The following PALS2 variants were observed in gnomAD, a reference collection of about 807,000 sequenced individuals.
PALS2 encodes the protein protein associated with LIN7 2, MAGUK p55 family member, also known as protein PALS2.
In PALS2, 27 loss-of-function variants were observed where a neutral mutation model predicts 61.6. The ratio of observed to expected loss-of-function variants is 0.44; its 90% CI spans 0.32 to 0.60. The LOEUF is 0.60. Among genes scored for constraint, PALS2 ranks in the 20% least tolerant of loss-of-function variants. The pLI, the probability that PALS2 is intolerant of heterozygous loss-of-function variation, is 0.05. For missense variants in PALS2, 554 were observed against 639.4 expected (o/e 0.87, Z 1.44); for synonymous variants, 236 against 218.6 (o/e 1.08, Z -0.70).
chr7:24,661,869 C>T (rs1342113570), intron 5 of PALS2, among the ~76,000 whole-genome samples: 1 of 152,164 alleles, frequency 6.6e-6, no homozygotes, highest in Non-Finnish European at 1.5e-5. Flanking sequence ...AGGCATCCAG[C>T]ACACATCCCA....
Position 24,609,980 on chromosome 7 carries a change from T to C in PALS2, c.-2-13686T>C, listed in dbSNP as rs187106776. ...AAATACTGATCATAAATTCAGTGTT[T>C]TTAAGATGAATTCAGTTTAGTTTTT... On this transcript the variant is annotated intron_variant, in intron 1 of 11. Coordinates refer to ENST00000222644, the MANE Select transcript of PALS2 (RefSeq NM_001303037.2). Among the ~76,000 whole-genome samples, 9 of 152,254 alleles carry C rather than the reference T, an allele frequency of 5.9e-5. No individual in the cohort carries two copies. In the East Asian group the frequency reaches 1.2e-3, roughly 20 times the overall value.
At chr7:24,679,516 A>G (rs1787804055) in intron 10 of PALS2, among the ~76,000 whole-genome samples, 183 bp downstream of exon 10, 1 of 152,216 alleles carries the variant, frequency 6.6e-6, no homozygotes, top group African/African-American at 2.4e-5. Context: ...AAATCTCTGA[A>G]CAATTAGCCA....
chr7:24,652,147 G>A (rs754160331), intron 5 of PALS2, among the ~76,000 whole-genome samples: 1 of 152,096 alleles, frequency 6.6e-6, no homozygotes, highest in Non-Finnish European at 1.5e-5. Flanking sequence ...ACCTGCGTAC[G>A]CTGGAAGAGT....
chr7:24,641,767 T>G lies in PALS2; in HGVS notation c.169T>G (p.Leu57Val). 1.2e-6 allele frequency: 2 copies of G among 1,612,494 alleles called. No homozygotes were observed. Among genetic ancestry groups the G allele is most frequent in the Middle Eastern group, 1.7e-4 (1 of 6,058 alleles). Residue 57 changes from leucine (L) to valine (V), a missense_variant, in exon 3 of 12, where the codon TTG becomes GTG. Coordinates refer to ENST00000222644, the MANE Select transcript of PALS2 (RefSeq NM_001303037.2). ...ACTAGAAGCTGTCAGTGACAATAAC[T>G]TGGAATTAGTCAATGAAATTCTTGA... ...SKLEAVSDNN[L>V]ELVNEILEDI... is the part of the protein sequence containing the mutation.
chr7:24,590,292 A>G (rs1451818372), intron 1 of PALS2, among the ~76,000 whole-genome samples: 1 of 151,918 alleles, frequency 6.6e-6, no homozygotes, highest in Non-Finnish European at 1.5e-5. Flanking sequence ...TCTTTTTGTT[A>G]CTGTTTGATG....
At chr7:24,685,195 T>A (rs1788132203) in intron 11 of PALS2, among the ~76,000 whole-genome samples, 1 of 152,194 alleles carries the variant, frequency 6.6e-6, no homozygotes, top group African/African-American at 2.4e-5. Context: ...ACCCACTAGA[T>A]ATTATCTTCT....
chr7:24,675,570 T>C (rs1012687904), intron 9 of PALS2, among the ~76,000 whole-genome samples: 2 of 120,590 alleles, frequency 1.7e-5, no homozygotes, highest in Non-Finnish European at 3.2e-5. Context: ...GTCCCCAGAG[T>C]GTGATGTTCC....
At chr7:24,665,895 A>G (rs2128087724) in intron 7 of PALS2, 126 bp from the exon 8 acceptor site, 2 of 1,026,796 alleles carry the variant, frequency 1.9e-6, no homozygotes, top group South Asian at 1.6e-5. Context: ...ACTCACCTCC[A>G]CCCTCTTTTG....
rs539219824 is a variant in PALS2 at position 24,605,498 on chromosome 7, T to G, written c.-2-18168T>G. Among the ~76,000 whole-genome samples, 8 of 151,776 alleles carry G rather than the reference T, an allele frequency of 5.3e-5. No homozygotes were observed. The South Asian group carries it at 1.7e-3, about 31-fold the overall frequency. ...TTACTTATATAAATACAGTAACACA[T>G]TATGTTTTAGATATTTATATAAGTA... On this transcript the variant is annotated intron_variant, in intron 1 of 11. Transcript: ENST00000222644.
intron 1 of PALS2, among the ~76,000 whole-genome samples, chr7:24,591,414 C>G (rs1393264201): frequency 6.6e-6 from 1 of 152,000 alleles, no homozygotes; most frequent in Non-Finnish European, 1.5e-5. Context: ...ACCATAAAGT[C>G]TAGCTATATA....
chr7:24,680,797 T>C (rs983764115), intron 11 of PALS2, among the ~76,000 whole-genome samples: 5 of 152,170 alleles, frequency 3.3e-5, no homozygotes, highest in African/African-American at 1.2e-4. Context: ...GGTTTCACCA[T>C]GTTGGCCAGA....
At chr7:24,605,492 AAC>A (rs1489067648) in intron 1 of PALS2, among the ~76,000 whole-genome samples, 4 of 152,204 alleles carry the variant, frequency 2.6e-5, no homozygotes, top group African/African-American at 4.8e-5. Context: ...TAAATACAGT[AAC>A]ACATTATGTT....
intron 5 of PALS2, among the ~76,000 whole-genome samples, chr7:24,661,713 A>T (rs576162396): frequency 6.6e-6 from 1 of 152,326 alleles, no homozygotes; most frequent in Non-Finnish European, 1.5e-5. Context: ...TGGACAATTA[A>T]TTAGGGAGGT....
At chr7:24,635,560 G>A (rs994708989) in intron 2 of PALS2, among the ~76,000 whole-genome samples, 2 of 152,004 alleles carry the variant, frequency 1.3e-5, no homozygotes, top group South Asian at 4.2e-4. Flanking sequence ...AATTGTCCTG[G>A]CTATAACCTC....
intron 2 of PALS2, among the ~76,000 whole-genome samples, chr7:24,624,390 G>A (rs1784647931): frequency 1.3e-5 from 2 of 151,940 alleles, no homozygotes; most frequent in South Asian, 2.1e-4. Flanking sequence ...AATGACTCTT[G>A]CTTTCAAGAA....
chr7:24,608,947 C>T (rs536374766), intron 1 of PALS2, among the ~76,000 whole-genome samples: 1 of 152,180 alleles, frequency 6.6e-6, no homozygotes, highest in East Asian at 1.9e-4. Flanking sequence ...TTTTTAAGTG[C>T]CAGGAACTTT....
At chr7:24,595,525 A>ATATATAATATATAATATATAAAT in intron 1 of PALS2, among the ~76,000 whole-genome samples, 1 of 132,494 alleles carries the variant, frequency 7.5e-6, no homozygotes. Flanking sequence ...TAATATATAT[A>ATATATAATATATAATATATAAAT]ATATATAATA....
At chr7:24,677,526 ATTATT>A (rs1462934331) in intron 9 of PALS2, among the ~76,000 whole-genome samples, 3 of 151,434 alleles carry the variant, frequency 2.0e-5, no homozygotes, top group Non-Finnish European at 2.9e-5. Context: ...GATAGCTCTT[ATTATT>A]TTGAGATACG....
At chr7:24,626,608 C>A (rs1346564378) in intron 2 of PALS2, among the ~76,000 whole-genome samples, 2 of 152,056 alleles carry the variant, frequency 1.3e-5, no homozygotes, top group Admixed American at 6.6e-5. Flanking sequence ...TCAAGACCCA[C>A]CAGTCTGCTG....
Sources: allele counts gnomAD v4.1 joint callset (sites outside exome capture counted in the v4.1 genomes callset), GRCh38; gene constraint gnomAD v4.1.1; transcripts MANE v1.5; gene names NCBI Gene and HGNC (gene_info 2026-07-23, HGNC 2026-07-21).